The following SMAGP variants were observed in gnomAD, a reference collection of about 807,000 sequenced individuals.
SMAGP encodes small cell adhesion glycoprotein.
In SMAGP, 7 loss-of-function variants were observed where a neutral mutation model predicts 10.1. That is an observed-to-expected ratio of 0.70 (90% CI 0.40 to 1.31). The LOEUF is 1.31. Ranked by LOEUF, SMAGP falls within the 50% of genes most tolerant of loss-of-function variation. The probability of loss-of-function intolerance (pLI) is 0.01; values close to 1 mark genes in which losing one functional copy is unlikely to be tolerated. For missense variants in SMAGP, 113 were observed against 116.5 expected (o/e 0.97, Z 0.14); for synonymous variants, 49 against 47.2 (o/e 1.04, Z -0.16).
chr12:51,252,655 T>G (rs1944849422), intron 2 of SMAGP, among the ~76,000 whole-genome samples: 1 of 151,436 alleles, frequency 6.6e-6, no homozygotes, highest in Non-Finnish European at 1.5e-5. Context: ...CCTCCCAAAG[T>G]GTTGGGATTA....
intron 2 of SMAGP, among the ~76,000 whole-genome samples, chr12:51,253,120 G>A (rs999556428): frequency 1.3e-5 from 2 of 152,080 alleles, no homozygotes; most frequent in African/African-American, 4.8e-5. Context: ...ACACTATTAC[G>A]GCCTGTTTGG....
At chr12:51,249,097 A>C (rs1161506214) in intron 2 of SMAGP, among the ~76,000 whole-genome samples, 1 of 151,922 alleles carries the variant, frequency 6.6e-6, no homozygotes, top group Non-Finnish European at 1.5e-5. Flanking sequence ...AAACAAAAAC[A>C]AAACCCCAAA....
intron 2 of SMAGP, among the ~76,000 whole-genome samples, chr12:51,247,539 C>G (rs1944789352): frequency 6.6e-6 from 1 of 152,134 alleles, no homozygotes; most frequent in Non-Finnish European, 1.5e-5. Context: ...AAGTCATTAC[C>G]CAGGGACAGA....
At position 51,244,619 on chromosome 12, in the gene SMAGP, AT is replaced by A. The variant is rs1417727396; in HGVS notation, c.*1321del. 1 of 152,164 alleles carries A rather than the reference AT, an allele frequency of 6.6e-6. No individual in the cohort carries two copies. The allele number at this position is 152,164 out of a possible 1,614,324, so 9.4% of individuals were successfully genotyped here. On this transcript the variant is annotated 3_prime_UTR_variant, in exon 4 of 4. Transcript: ENST00000603798. ...GTGAACAATATCTGATGAGCTAATAATTTATACCAAAATGTGCCTTTTAAAC... is the reference window on the plus strand; with the variant it reads ...GTGAACAATATCTGATGAGCTAATAATTATACCAAAATGTGCCTTTTAAAC...
intron 2 of SMAGP, among the ~76,000 whole-genome samples, chr12:51,264,443 T>C (rs923042005): frequency 6.6e-6 from 1 of 152,008 alleles, no homozygotes; most frequent in African/African-American, 2.4e-5. Flanking sequence ...CTGAGCAACA[T>C]AGCAAAACCC....
chr12:51,246,964 T>A, intron 2 of SMAGP, 133 bp from the exon 3 acceptor site: 1 of 540,524 alleles, frequency 1.9e-6, no homozygotes, highest in Non-Finnish European at 3.2e-6. Context: ...CTAGAGTATA[T>A]CCAAATAGAA....
chr12:51,256,313 C>T (rs556735213), intron 2 of SMAGP, among the ~76,000 whole-genome samples: 21 of 152,072 alleles, frequency 1.4e-4, no homozygotes, highest in African/African-American at 4.3e-4. Context: ...AGGCCAGGTG[C>T]GGTGGCTCAC....
intron 1 of SMAGP, 119 bp downstream of exon 1, chr12:51,270,137 C>G (rs1945017335): frequency 1.3e-5 from 2 of 152,174 alleles, no homozygotes; most frequent in South Asian, 4.1e-4. Context: ...CGACCCTCTG[C>G]CCCAGCGGAG....
At chr12:51,247,100 G>C (rs748537381) in intron 2 of SMAGP, among the ~76,000 whole-genome samples, 1 of 152,134 alleles carries the variant, frequency 6.6e-6, no homozygotes, top group Non-Finnish European at 1.5e-5. Context: ...TTTCAAATAT[G>C]AACTCTGTCC....
intron 2 of SMAGP, among the ~76,000 whole-genome samples, chr12:51,268,204 C>T (rs751063444): frequency 3.2e-4 from 49 of 152,080 alleles, no homozygotes; most frequent in Admixed American, 1.4e-3. Context: ...CCAGCAAAAT[C>T]ACTTTCAAGG....
chr12:51,247,065 G>C (rs1944783275), intron 2 of SMAGP, among the ~76,000 whole-genome samples: 1 of 152,110 alleles, frequency 6.6e-6, no homozygotes, highest in Non-Finnish European at 1.5e-5. Flanking sequence ...TTAAGAGTAG[G>C]GGCTATAGAG....
intron 2 of SMAGP, among the ~76,000 whole-genome samples, chr12:51,260,577 A>G (rs940888168): frequency 6.8e-6 from 1 of 147,532 alleles, no homozygotes; most frequent in African/African-American, 2.5e-5. Flanking sequence ...ACAGGGTTTC[A>G]CCGTGTTAGC....
chr12:51,269,370 G>T, intron 1 of SMAGP, 54 bp from the exon 2 acceptor site: 1 of 1,456,132 alleles, frequency 6.9e-7, no homozygotes. Context: ...CTATGGCTTT[G>T]AGTCCTGGAA....
intron 1 of SMAGP, 166 bp from the exon 2 acceptor site, chr12:51,269,482 A>C: frequency 1.7e-6 from 1 of 595,372 alleles, no homozygotes; most frequent in Non-Finnish European, 3.0e-6. Flanking sequence ...TCCAGGTACC[A>C]ACAGCTCTCC....
intron 3 of SMAGP, 21 bp from the exon 4 acceptor site, chr12:51,246,140 T>C (rs773270888): frequency 4.3e-6 from 7 of 1,612,270 alleles, no homozygotes; most frequent in Non-Finnish European, 5.1e-6. Flanking sequence ...AGAGGGAAAA[T>C]GTAGAGATGT....
In SMAGP at chr12:51,245,879, T is replaced by C. The variant is rs1944761246; in HGVS notation, c.*62A>G. ...CCTGGCTTCAGAGAAAACTTTCCCA[T>C]AATAAGCAGTCAACGTGTTAGCGAT... On this transcript the variant is annotated 3_prime_UTR_variant, in exon 4 of 4. Coordinates refer to ENST00000603798, the MANE Select transcript of SMAGP (RefSeq NM_001031628.2). 3.9e-6 allele frequency: 6 copies of C among 1,539,524 alleles called. No homozygotes were observed. The highest frequency in any genetic ancestry group is 5.3e-6 in the Non-Finnish European group (6 of 1,136,506).
At chr12:51,246,503 G>A (rs767290241) in intron 3 of SMAGP, 7 of 441,832 alleles carry the variant, frequency 1.6e-5, no homozygotes, top group Non-Finnish European at 1.6e-5. Flanking sequence ...CCCTACCCAC[G>A]TACTCAAGTG....
chr12:51,256,109 C>T (rs1944882593), intron 2 of SMAGP, among the ~76,000 whole-genome samples: 1 of 152,072 alleles, frequency 6.6e-6, no homozygotes, highest in Non-Finnish European at 1.5e-5. Flanking sequence ...ATTGCTTTTG[C>T]AGCAGCTCAG....
At chr12:51,260,251 A>G (rs562569965) in intron 2 of SMAGP, among the ~76,000 whole-genome samples, 1 of 140,350 alleles carries the variant, frequency 7.1e-6, no homozygotes, top group Admixed American at 7.7e-5. Flanking sequence ...TCTGCTCACG[A>G]CAGATCTTGG....
Sources: allele counts gnomAD v4.1 joint callset (sites outside exome capture counted in the v4.1 genomes callset), GRCh38; gene constraint gnomAD v4.1.1; transcripts MANE v1.5; gene names NCBI Gene and HGNC (gene_info 2026-07-23, HGNC 2026-07-21).